The following NBEA variants were observed in gnomAD, a reference collection of about 807,000 sequenced individuals.
NBEA encodes neurobeachin.
In NBEA, 44 loss-of-function variants were observed where a neutral mutation model predicts 343.4. The ratio of observed to expected loss-of-function variants is 0.13; its 90% CI spans 0.10 to 0.16. The LOEUF (loss-of-function observed/expected upper bound fraction) is 0.16, where lower values mean the gene tolerates loss of function less well. Among genes scored for constraint, NBEA ranks in the 10% least tolerant of loss-of-function variants. The pLI is 1.00. For synonymous variants in NBEA, 1,175 were observed against 1,238.7 expected (o/e 0.95, Z 1.08); for missense variants, 2,555 against 3,631.3 (o/e 0.70, Z 7.62).
chr13:35,286,214 G>T (rs2035416101), intron 34 of NBEA, among the ~76,000 whole-genome samples: 1 of 152,092 alleles, frequency 6.6e-6, no homozygotes. Context: ...TAGACAATAT[G>T]TTTGGTAAAT....
At chr13:35,664,384 GC>G (rs1165963786) in intron 55 of NBEA, among the ~76,000 whole-genome samples, 1 of 152,134 alleles carries the variant, frequency 6.6e-6, no homozygotes, top group Non-Finnish European at 1.5e-5. Flanking sequence ...AGGAAAACAG[GC>G]AAGCATGCAA....
intron 10 of NBEA, among the ~76,000 whole-genome samples, chr13:35,094,687 G>C (rs1385742887): frequency 6.6e-6 from 1 of 151,696 alleles, no homozygotes; most frequent in Non-Finnish European, 1.5e-5. Flanking sequence ...CTCTCATTTA[G>C]GAATAGTTTT....
chr13:35,025,782 C>CTCCATCTTCATTTTGT (rs2062000359), intron 1 of NBEA, among the ~76,000 whole-genome samples: 1 of 152,060 alleles, frequency 6.6e-6, no homozygotes, highest in South Asian at 2.1e-4. Context: ...ACATTTTCTT[C>CTCCATCTTCATTTTGT]TCCATCTTCA....
intron 36 of NBEA, among the ~76,000 whole-genome samples, chr13:35,317,828 G>C (rs1464122555): frequency 2.0e-5 from 3 of 152,094 alleles, no homozygotes; most frequent in African/African-American, 7.2e-5. Flanking sequence ...CACATCCCTT[G>C]TGAGTTGTAT....
intron 8 of NBEA, among the ~76,000 whole-genome samples, chr13:35,060,458 A>G (rs2063425057): frequency 6.6e-6 from 1 of 151,782 alleles, no homozygotes; most frequent in Non-Finnish European, 1.5e-5. Flanking sequence ...AGCTCATGTG[A>G]CATAGTGTAT....
chr13:35,581,017 G>A (rs2081002719), intron 45 of NBEA, among the ~76,000 whole-genome samples: 1 of 152,182 alleles, frequency 6.6e-6, no homozygotes, highest in East Asian at 1.9e-4. Context: ...AGGACAAACA[G>A]TATCAGTTAA....
At chr13:34,983,869 GT>G (rs978147701) in intron 1 of NBEA, among the ~76,000 whole-genome samples, 7 of 152,024 alleles carry the variant, frequency 4.6e-5, no homozygotes, top group South Asian at 2.1e-4. Flanking sequence ...TGATGGGGTT[GT>G]TTTTTTCTTG....
At chr13:35,210,983 G>A in intron 32 of NBEA, 70 bp from the exon 33 acceptor site, 1 of 1,448,510 alleles carries the variant, frequency 6.9e-7, no homozygotes, top group Non-Finnish European at 9.3e-7. Context: ...AAATCAGATA[G>A]TAATGGTGTA....
chr13:35,179,472 G>A lies in NBEA; in HGVS notation c.4662+2369G>A, dbSNP rs74727270. Among the ~76,000 whole-genome samples the A allele has an allele frequency of 5.0e-3, 756 of 150,926 alleles. 4 individuals carry two copies. Among genetic ancestry groups the A allele is most frequent in the Admixed American group, 9.9e-3 (149 of 15,064 alleles). The stretch of plus-strand genomic sequence containing the variant: ...GATGTTTAGCCTCTATGTATACTGA[G>A]CTTCATTTCCAAAGACAGAACTGGG... On this transcript the variant is annotated intron_variant, in intron 28 of 58. Coordinates refer to ENST00000379939, the MANE Select transcript of NBEA (RefSeq NM_001385012.1).
chr13:35,498,463 A>C (rs1261290982), intron 41 of NBEA, among the ~76,000 whole-genome samples: 2 of 152,060 alleles, frequency 1.3e-5, no homozygotes, highest in Admixed American at 1.3e-4. Context: ...ACATGAGAGC[A>C]TCATGATTTG....
At position 35,031,501 on chromosome 13, in the gene NBEA, C is replaced by T. The variant is rs545288535; in HGVS notation, c.295-9432C>T. ...TATTCGATTGGTGACTACTTTTTTTCTTTTTTTTTAATAGCTGGAAGCTGG... is the reference window on the plus strand; with the variant it reads ...TATTCGATTGGTGACTACTTTTTTTTTTTTTTTTTAATAGCTGGAAGCTGG... On this transcript the variant is annotated intron_variant, in intron 1 of 58. Transcript: ENST00000379939. 1.3e-3 allele frequency among the ~76,000 whole-genome samples: 193 copies of T among 150,336 alleles called. 1 individual carries two copies. The highest frequency in any genetic ancestry group is 4.4e-3 in the African/African-American group (179 of 41,100).
intron 33 of NBEA, among the ~76,000 whole-genome samples, chr13:35,222,937 G>A (rs1393077160): frequency 3.3e-5 from 5 of 152,096 alleles, no homozygotes; most frequent in African/African-American, 7.2e-5. Flanking sequence ...GAGAGTACTA[G>A]CCTGGCCAAC....
In NBEA at chr13:35,123,569, T is replaced by G. The variant is rs762214622; in HGVS notation, c.2331T>G (p.Gly777=). The G allele has an allele frequency of 6.7e-7, 1 of 1,496,774 alleles. No homozygotes were observed. The highest frequency in any genetic ancestry group is 1.4e-5 in the South Asian group (1 of 69,780). The allele number at this position is 1,496,774 out of a possible 1,614,324, so 92.7% of individuals were successfully genotyped here. ...KVLGYFLKHL[G]HKRKVEIMHT... ...TGGGATACTTTCTGAAGCATTTAGG[T>G]CACAAGTAAGTTGATATTTGTCATA... is the stretch of plus-strand genomic sequence containing the variant. The change falls in exon 17 of 59, where the codon GGT becomes GGG. Residue 777 remains glycine (G), a synonymous_variant. Coordinates refer to ENST00000379939, the MANE Select transcript of NBEA (RefSeq NM_001385012.1).
chr13:35,008,226 A>G (rs910324981), intron 1 of NBEA, among the ~76,000 whole-genome samples: 1 of 152,194 alleles, frequency 6.6e-6, no homozygotes, highest in Non-Finnish European at 1.5e-5. Flanking sequence ...TTAACTATTT[A>G]AAAGTATACA....
In NBEA at chr13:35,593,587, T is replaced by C. The variant is rs527993850; in HGVS notation, c.7296+140T>C. ...AAATTATATGGTACATCTAACCTTA[T>C]AGGAAATAATTTTGAACATTATAGA... On this transcript the variant is annotated intron_variant, in intron 47 of 58. Transcript: ENST00000379939. The C allele has an allele frequency of 5.1e-4, 263 of 517,954 alleles. 2 individuals are homozygous for C. In the South Asian group the frequency reaches 0.01, roughly 20 times the overall value. 32.1% of individuals were successfully genotyped at this position (517,954 alleles called of 1,614,324 possible). A position where few individuals can be genotyped will look rare whatever the true frequency, so the allele number is the denominator to read the frequency against.
At chr13:35,626,105 A>G (rs1331224586) in intron 48 of NBEA, among the ~76,000 whole-genome samples, 2 of 152,226 alleles carry the variant, frequency 1.3e-5, no homozygotes, top group African/African-American at 4.8e-5. Context: ...TCACACAGTG[A>G]CACAGGTAGA....
At chr13:35,329,401 G>A (rs887754444) in intron 36 of NBEA, among the ~76,000 whole-genome samples, 1 of 151,914 alleles carries the variant, frequency 6.6e-6, no homozygotes, top group Non-Finnish European at 1.5e-5. Flanking sequence ...AATATTCGTA[G>A]CAGTTTTATT....
chr13:34,945,944 A>G (rs1235910286), intron 1 of NBEA, among the ~76,000 whole-genome samples: 6 of 152,174 alleles, frequency 3.9e-5, no homozygotes, highest in African/African-American at 1.2e-4. Context: ...CCAAAGGTCT[A>G]GAGACCTATT....
chr13:35,030,881 C>G (rs1328704267), intron 1 of NBEA, among the ~76,000 whole-genome samples: 2 of 151,610 alleles, frequency 1.3e-5, no homozygotes, highest in Non-Finnish European at 3.0e-5. Flanking sequence ...AAGATGTACA[C>G]TCAGGCTTCA....
Sources: allele counts gnomAD v4.1 joint callset (sites outside exome capture counted in the v4.1 genomes callset), GRCh38; gene constraint gnomAD v4.1.1; transcripts MANE v1.5; gene names NCBI Gene and HGNC (gene_info 2026-07-23, HGNC 2026-07-21).